The following IL19 variants were observed in gnomAD, a reference collection of about 807,000 sequenced individuals.
The protein encoded by IL19 is interleukin-19.
A neutral mutation model predicts 19.5 loss-of-function variants in IL19; 15 were observed. That is an observed-to-expected ratio of 0.77 (90% CI 0.52 to 1.19). IL19 has a LOEUF of 1.19. Among genes scored for constraint, IL19 ranks in the 50% most tolerant of loss-of-function variants. IL19 has a pLI of 0.00. For missense variants in IL19, 199 were observed against 213.1 expected (o/e 0.93, Z 0.41); for synonymous variants, 78 against 78.3 (o/e 1.00, Z 0.02).
At chr1:206,813,868 G>A (rs150734733) in intron 2 of IL19, among the ~76,000 whole-genome samples, 2,369 of 152,218 alleles carry the variant, frequency 0.016, 37 homozygotes, top group Middle Eastern at 0.048. Flanking sequence ...CATTCAATCA[G>A]TTGAATGACC....
rs773284954 is a variant in IL19, at chr1:206,839,837, T to C, written c.211-13T>C. 5.6e-6 allele frequency: 9 copies of C among 1,601,788 alleles called. No homozygotes were observed. In the South Asian group the frequency reaches 1.0e-4, roughly 18 times the overall value. Reference sequence around the variant, plus strand: ...GAAGAGGCCTCTAGTGTTTCCCTAATTTGTGTTTGTAGCCCTTAGATGTGT... The same window carrying C: ...GAAGAGGCCTCTAGTGTTTCCCTAACTTGTGTTTGTAGCCCTTAGATGTGT... On this transcript the variant is annotated splice_polypyrimidine_tract_variant and intron_variant, in intron 4 of 6. Coordinates refer to ENST00000659997, the MANE Select transcript of IL19 (RefSeq NM_153758.5).
chr1:206,800,337 T>C (rs1438361275), intron 2 of IL19, among the ~76,000 whole-genome samples: 2 of 152,166 alleles, frequency 1.3e-5, no homozygotes, highest in African/African-American at 4.8e-5. Context: ...CTGGAGGAGT[T>C]GTCTCCCTGG....
chr1:206,780,798 G>A (rs1441566876), intron 1 of IL19, among the ~76,000 whole-genome samples: 2 of 152,132 alleles, frequency 1.3e-5, no homozygotes. Context: ...ATCACTCTGG[G>A]TTCTCTGGGC....
chr1:206,780,612 C>T (rs897468705), intron 1 of IL19, among the ~76,000 whole-genome samples: 2 of 152,170 alleles, frequency 1.3e-5, no homozygotes, highest in Non-Finnish European at 2.9e-5. Context: ...TCTATATGGA[C>T]GTCAGAAGAA....
intron 1 of IL19, among the ~76,000 whole-genome samples, chr1:206,773,028 T>C (rs1424251580): frequency 6.6e-6 from 1 of 152,108 alleles, no homozygotes; most frequent in Non-Finnish European, 1.5e-5. Flanking sequence ...AAGCAGCCCT[T>C]CCATTTTACT....
intron 1 of IL19, among the ~76,000 whole-genome samples, chr1:206,798,630 G>T (rs995535949): frequency 1.3e-5 from 2 of 151,294 alleles, no homozygotes; most frequent in South Asian, 2.1e-4. Flanking sequence ...TCCCCGACCC[G>T]ATTTACCAAA....
intron 2 of IL19, among the ~76,000 whole-genome samples, chr1:206,810,928 C>A (rs1043689676): frequency 6.6e-6 from 1 of 152,166 alleles, no homozygotes; most frequent in East Asian, 1.9e-4. Flanking sequence ...TCCTATCTCA[C>A]CATGTAACAT....
At chr1:206,793,178 C>T (rs75403711) in intron 1 of IL19, among the ~76,000 whole-genome samples, 4,438 of 152,318 alleles carry the variant, frequency 0.029, 108 homozygotes, top group Non-Finnish European at 0.04. Context: ...ATACCTGGAG[C>T]TAAATCCCGA....
intron 1 of IL19, among the ~76,000 whole-genome samples, chr1:206,784,344 C>T (rs1015653089): frequency 2.0e-5 from 3 of 152,286 alleles, no homozygotes; most frequent in Non-Finnish European, 4.4e-5. Flanking sequence ...CAGGAGCGAG[C>T]GAACATGAGT....
At chr1:206,830,210 G>C (rs1039230272) in intron 2 of IL19, among the ~76,000 whole-genome samples, 8 of 152,070 alleles carry the variant, frequency 5.3e-5, no homozygotes, top group African/African-American at 1.9e-4. Context: ...TGCCATGGAG[G>C]GCTGGTTCAC....
At chr1:206,782,065 G>GTATATAGTTATATATACATATA (rs1558606517) in intron 1 of IL19, among the ~76,000 whole-genome samples, 3,481 of 65,422 alleles carry the variant, frequency 0.053, 306 homozygotes, top group South Asian at 0.086. Flanking sequence ...ATACATATAT[G>GTATATAGTTATATATACATATA]TGTAAACATT....
At chr1:206,789,683 G>A (rs1456940837) in intron 1 of IL19, among the ~76,000 whole-genome samples, 2 of 151,882 alleles carry the variant, frequency 1.3e-5, no homozygotes, top group Non-Finnish European at 2.9e-5. Context: ...ATAACTAATG[G>A]GTATTAAGCC....
chr1:206,799,524 T>C (rs991801373), intron 2 of IL19, among the ~76,000 whole-genome samples: 8 of 152,138 alleles, frequency 5.3e-5, no homozygotes, highest in Admixed American at 2.0e-4. Context: ...ACGTAGTCAC[T>C]CCTTTCTGCT....
rs529833453 is a variant in IL19, at chr1:206,778,169, A to C, written c.-149+7091A>C. Among the ~76,000 whole-genome samples, 3 of 152,356 alleles carry C rather than the reference A, an allele frequency of 2.0e-5. No individual in the cohort carries two copies. In the South Asian group the frequency reaches 6.2e-4, roughly 32 times the overall value. ...CTTCCGAGGATCATGGCCGGCAGAC[A>C]CTGCAAACCACAGATGAGCGGAAGG... On this transcript the variant is annotated intron_variant, in intron 1 of 6. Coordinates refer to ENST00000659997, the MANE Select transcript of IL19 (RefSeq NM_153758.5).
chr1:206,771,592 T>C (rs1674844851), intron 1 of IL19, among the ~76,000 whole-genome samples: 2 of 152,172 alleles, frequency 1.3e-5, no homozygotes. Context: ...GACCATCACT[T>C]AAATCAGGTC....
At chr1:206,804,267 T>A (rs1019350477) in intron 2 of IL19, among the ~76,000 whole-genome samples, 1 of 152,190 alleles carries the variant, frequency 6.6e-6, no homozygotes, top group African/African-American at 2.4e-5. Context: ...TTGGATAACA[T>A]CTGTCCGAGT....
chr1:206,781,981 CAT>C (rs1329005880), intron 1 of IL19, among the ~76,000 whole-genome samples: 1 of 58,630 alleles, frequency 1.7e-5, no homozygotes, highest in Admixed American at 2.6e-4. Context: ...GTTATATATA[CAT>C]ATATATGTAT....
chr1:206,841,502 G>C (rs916842649), intron 6 of IL19, among the ~76,000 whole-genome samples: 3 of 152,214 alleles, frequency 2.0e-5, no homozygotes, highest in African/African-American at 7.2e-5. Context: ...TCATGTTGAT[G>C]TTGGTGTAAA....
intron 4 of IL19, among the ~76,000 whole-genome samples, chr1:206,838,787 T>A (rs1676894007): frequency 8.6e-6 from 1 of 116,184 alleles, no homozygotes. Flanking sequence ...TTCCCTTCCC[T>A]TCCCTTCCCT....
Sources: gnomAD v4.1 joint callset for allele counts (sites outside exome capture counted in the v4.1 genomes callset) on GRCh38, gnomAD v4.1.1 for gene constraint, MANE v1.5 for transcripts, NCBI Gene and HGNC (gene_info 2026-07-23, HGNC 2026-07-21) for gene names.